Variants in GP2 observed in about 807,000 individuals in gnomAD.
The protein encoded by GP2 is pancreatic secretory granule membrane major glycoprotein GP2.
A neutral mutation model predicts 60.8 loss-of-function variants in GP2; 58 were observed. The observed-to-expected ratio is 0.95, with a 90% confidence interval of 0.77 to 1.19. GP2 has a LOEUF of 1.19. Ranked by LOEUF, GP2 falls within the 50% of genes most tolerant of loss-of-function variation. The pLI is 0.00. For missense variants in GP2, 647 were observed against 667.4 expected (o/e 0.97, Z 0.34); for synonymous variants, 280 against 253.4 (o/e 1.10, Z -1.00).
At chr16:20,315,366 CACTA>C (rs1176930573) in intron 9 of GP2, among the ~76,000 whole-genome samples, 1 of 152,112 alleles carries the variant, frequency 6.6e-6, no homozygotes, top group Non-Finnish European at 1.5e-5. Flanking sequence ...GAAATAAAAA[CACTA>C]ACTAAACACT....
chr16:20,312,886 G>A (rs1473225489), intron 10 of GP2, among the ~76,000 whole-genome samples: 1 of 152,068 alleles, frequency 6.6e-6, no homozygotes, highest in Non-Finnish European at 1.5e-5. Context: ...CTGACGTCAG[G>A]TGGTCTGCCT....
intron 4 of GP2, among the ~76,000 whole-genome samples, chr16:20,322,473 G>A (rs2141606933): frequency 6.6e-6 from 1 of 152,292 alleles, no homozygotes; most frequent in South Asian, 2.1e-4. Flanking sequence ...TCATTTTACA[G>A]ATGAGGATAT....
At chr16:20,315,524 A>T (rs536921584) in intron 9 of GP2, among the ~76,000 whole-genome samples, 31 of 152,304 alleles carry the variant, frequency 2.0e-4, no homozygotes, top group African/African-American at 7.2e-4. Context: ...GGGATTTAGG[A>T]CTTACGCCTC....
At chr16:20,322,023 G>A (rs922359887) in intron 4 of GP2, among the ~76,000 whole-genome samples, 1 of 152,216 alleles carries the variant, frequency 6.6e-6, no homozygotes, top group African/African-American at 2.4e-5. Context: ...TCTTCAAGGA[G>A]ATCAAGGTTG....
rs1307332021 is a variant in GP2 at position 20,318,089 on chromosome 16, G to A, written c.1253+96C>T. 5.2e-6 allele frequency: 5 copies of A among 964,206 alleles called. No individual in the cohort carries two copies. In the East Asian group the frequency reaches 7.2e-5, roughly 14 times the overall value. 59.7% of individuals were successfully genotyped at this position (964,206 alleles called of 1,614,324 possible). On this transcript the variant is annotated intron_variant, in intron 7 of 10. Coordinates refer to ENST00000302555, the MANE Select transcript of GP2 (RefSeq NM_001502.4). ...GGGTCAAAGATTGTGGTTATGATATGTAGTACAACTTACACGTCTGCTGGG... is the reference window on the plus strand; with the variant it reads ...GGGTCAAAGATTGTGGTTATGATATATAGTACAACTTACACGTCTGCTGGG...
intron 9 of GP2, 42 bp downstream of exon 9, chr16:20,315,914 C>T (rs1964151365): frequency 4.0e-6 from 5 of 1,247,596 alleles, no homozygotes; most frequent in Admixed American, 1.7e-5. Context: ...TAACTGTCAA[C>T]ACTCAGCCAG....
chr16:20,314,998 C>T (rs1358990536), intron 9 of GP2, among the ~76,000 whole-genome samples: 2 of 152,164 alleles, frequency 1.3e-5, no homozygotes, highest in Non-Finnish European at 2.9e-5. Flanking sequence ...CCTTGCCAGT[C>T]AGTAGCAGAG....
intron 9 of GP2, 149 bp from the exon 10 acceptor site, chr16:20,314,850 G>C: frequency 2.9e-6 from 2 of 688,752 alleles, no homozygotes; most frequent in African/African-American, 1.8e-5. Context: ...CTAGAATCTG[G>C]CACAGGCACC....
chr16:20,315,556 G>A (rs1964138935), intron 9 of GP2, among the ~76,000 whole-genome samples: 1 of 152,146 alleles, frequency 6.6e-6, no homozygotes, highest in African/African-American at 2.4e-5. Flanking sequence ...ACTGAATTAT[G>A]GGGACCTGGA....
chr16:20,311,732 A>G (rs1044452373), intron 10 of GP2, among the ~76,000 whole-genome samples: 6 of 152,198 alleles, frequency 3.9e-5, no homozygotes, highest in Non-Finnish European at 8.8e-5. Context: ...CCTAACGACT[A>G]CATGGAGCAG....
At chr16:20,325,989 C>T (rs979953905) in intron 2 of GP2, among the ~76,000 whole-genome samples, 10 of 152,180 alleles carry the variant, frequency 6.6e-5, no homozygotes, top group Admixed American at 2.0e-4. Flanking sequence ...ATCACTTAAT[C>T]TAGCCCTTTC....
Position 20,323,954 on chromosome 16 carries a change from T to C in GP2, c.397A>G (p.Thr133Ala). ...GTHPALGDGI[T>A]NHTACAHWSG... ...CAATGGGCACAGGCAGTGTGGTTGG[T>C]GATGCCATCCCCAAGGGCAGGGTGG... The change falls in exon 3 of 11, where the codon ACC (threonine) becomes GCC (alanine). Residue 133 changes from threonine to alanine, a missense_variant. By Grantham distance (58) the Thr-to-Ala change is moderately conservative. Coordinates refer to ENST00000302555, the MANE Select transcript of GP2 (RefSeq NM_001502.4). 1.2e-6 allele frequency: 2 copies of C among 1,613,822 alleles called. No homozygotes were observed. The highest frequency in any genetic ancestry group is 1.1e-5 in the South Asian group (1 of 91,082).
chr16:20,324,347 A>G (rs1223155241), intron 2 of GP2, 91 bp from the exon 3 acceptor site: 4 of 755,924 alleles, frequency 5.3e-6, no homozygotes, highest in South Asian at 3.6e-5. Flanking sequence ...TGGCTGTGCT[A>G]AGGACTCCAA....
chr16:20,317,662 C>T (rs1964227860), intron 7 of GP2, among the ~76,000 whole-genome samples: 1 of 152,180 alleles, frequency 6.6e-6, no homozygotes, highest in Non-Finnish European at 1.5e-5. Flanking sequence ...AAAGTGGAGA[C>T]AGTAATATAC....
Position 20,311,055 on chromosome 16 carries a change from C to A in GP2, c.*168G>T, listed in dbSNP as rs1160159826. 3.2e-5 allele frequency: 17 copies of A among 533,238 alleles called. No homozygotes were observed. Among genetic ancestry groups the A allele is most frequent in the East Asian group, 1.7e-4 (5 of 29,616 alleles). 33.0% of individuals were successfully genotyped at this position (533,238 alleles called of 1,614,324 possible). A position where few individuals can be genotyped will look rare whatever the true frequency, so the allele number is the denominator to read the frequency against. Reference sequence around the variant, plus strand: ...TACAGGCATGAGCCACTGCGCCCAGCCGAGAGTTTTAAAGAAGGTGAAAGC... The same window carrying A: ...TACAGGCATGAGCCACTGCGCCCAGACGAGAGTTTTAAAGAAGGTGAAAGC... On this transcript the variant is annotated 3_prime_UTR_variant, in exon 11 of 11. Transcript: ENST00000302555.
Position 20,326,406 on chromosome 16 carries a change from A to C in GP2, c.26T>G (p.Val9Gly). 6.2e-7 allele frequency: 1 copy of C among 1,613,108 alleles called. No individual in the cohort carries two copies. The highest frequency in any genetic ancestry group is 8.5e-7 in the Non-Finnish European group (1 of 1,179,042). ...GGCCAGCCACAGGAGGCCAGAGCCC[A>C]CCATCCTTTCCATAAGGTGAGGCAT... The part of the protein sequence containing the change: MPHLMERM[V>G]GSGLLWLALV... The change falls in exon 2 of 11, where the codon GTG (valine) becomes GGG (glycine). Residue 9 changes from valine (V) to glycine (G), a missense_variant. Coordinates refer to ENST00000302555, the MANE Select transcript of GP2 (RefSeq NM_001502.4).
At chr16:20,311,876 A>G (rs1209590487) in intron 10 of GP2, among the ~76,000 whole-genome samples, 1 of 152,242 alleles carries the variant, frequency 6.6e-6, no homozygotes, top group Non-Finnish European at 1.5e-5. Flanking sequence ...AAAGACACAG[A>G]GGTTAAAAAG....
rs1423111724 is a variant in GP2 at position 20,323,568 on chromosome 16, G to A, written c.535+248C>T. On this transcript the variant is annotated intron_variant, in intron 3 of 10. Coordinates refer to ENST00000302555, the MANE Select transcript of GP2 (RefSeq NM_001502.4). ...TCTCAAATGGAGCCAAAATCGGAAC[G>A]AGCATGAGTTCTGGATTTTATGCTA... 3.6e-5 allele frequency: 21 copies of A among 589,154 alleles called. No individual in the cohort carries two copies. In the Middle Eastern group the frequency reaches 1.3e-3, roughly 37 times the overall value. 36.5% of individuals were successfully genotyped at this position (589,154 alleles called of 1,614,324 possible). A position where few individuals can be genotyped will look rare whatever the true frequency, so the allele number is the denominator to read the frequency against.
intron 4 of GP2, among the ~76,000 whole-genome samples, chr16:20,321,207 C>T (rs965635891): frequency 6.6e-6 from 1 of 152,146 alleles, no homozygotes; most frequent in African/African-American, 2.4e-5. Flanking sequence ...GGATTACAGG[C>T]ATGAGCCACC....
Sources: gnomAD v4.1 joint callset for allele counts (sites outside exome capture counted in the v4.1 genomes callset) on GRCh38, gnomAD v4.1.1 for gene constraint, MANE v1.5 for transcripts, NCBI Gene and HGNC (gene_info 2026-07-23, HGNC 2026-07-21) for gene names.